The following SPAG16 variants were observed in gnomAD, a reference collection of about 807,000 sequenced individuals.
The protein encoded by SPAG16 is sperm associated antigen 16.
In SPAG16, 86 loss-of-function variants were observed where a neutral mutation model predicts 80.4. That is an observed-to-expected ratio of 1.07 (90% CI 0.90 to 1.28). SPAG16 has a LOEUF of 1.28. SPAG16 is among the 50% of genes most tolerant of loss of function. The pLI, the probability that SPAG16 is intolerant of heterozygous loss-of-function variation, is 0.00. For synonymous variants in SPAG16, 294 were observed against 265.9 expected, an observed-to-expected ratio of 1.11 and a Z score of -1.03; for missense variants, 870 against 765.3, an observed-to-expected ratio of 1.14 and a Z score of -1.61.
chr2:213,792,905 T>G (rs556490931), intron 10 of SPAG16, among the ~76,000 whole-genome samples: 1 of 151,946 alleles, frequency 6.6e-6, no homozygotes, highest in South Asian at 2.1e-4. Flanking sequence ...CTCTAAGATC[T>G]TTAAGTAATT....
chr2:213,379,206 T>G (rs2067042071), intron 9 of SPAG16, among the ~76,000 whole-genome samples: 1 of 152,022 alleles, frequency 6.6e-6, no homozygotes, highest in African/African-American at 2.4e-5. Context: ...TGATGGTGAG[T>G]GGTGCCACTT....
intron 8 of SPAG16, among the ~76,000 whole-genome samples, chr2:213,372,634 A>G (rs2066698159): frequency 6.6e-6 from 1 of 152,074 alleles, no homozygotes; most frequent in East Asian, 1.9e-4. Flanking sequence ...CTTTTTCTGA[A>G]TTCTAATTAC....
At chr2:213,660,141 A>T (rs1201609823) in intron 10 of SPAG16, among the ~76,000 whole-genome samples, 1 of 152,252 alleles carries the variant, frequency 6.6e-6, no homozygotes, top group East Asian at 1.9e-4. Context: ...CAGCAAAGAA[A>T]TATGGCAAAA....
At chr2:213,755,300 G>C (rs1179562070) in intron 10 of SPAG16, among the ~76,000 whole-genome samples, 2 of 152,024 alleles carry the variant, frequency 1.3e-5, no homozygotes, top group African/African-American at 4.8e-5. Context: ...TTTGTCTCTG[G>C]TTATTCAAGT....
intron 15 of SPAG16, among the ~76,000 whole-genome samples, chr2:214,401,001 T>G (rs966583497): frequency 6.6e-6 from 1 of 151,994 alleles, no homozygotes; most frequent in African/African-American, 2.4e-5. Context: ...GCTGGAAAAG[T>G]TTTTAAATTG....
rs34823564 is a variant in SPAG16, at chr2:214,041,420, T to C, written c.1527+27343T>C. Reference sequence around the variant, plus strand: ...AAAGACTCTTTGCACTTCTACATTTTAATGGTCTAGGTTGGTGATTTGTAG... The same window carrying C: ...AAAGACTCTTTGCACTTCTACATTTCAATGGTCTAGGTTGGTGATTTGTAG... On this transcript the variant is annotated intron_variant, in intron 13 of 15. Transcript: ENST00000331683. Among the ~76,000 whole-genome samples the C allele has an allele frequency of 3.3e-3, 499 of 151,116 alleles. 1 individual carries two copies. Among genetic ancestry groups the C allele is most frequent in the Non-Finnish European group, 5.5e-3 (372 of 67,832 alleles).
chr2:214,280,746 T>C, intron 15 of SPAG16: 1 of 420,220 alleles, frequency 2.4e-6, no homozygotes, highest in Non-Finnish European at 4.5e-6. Flanking sequence ...TCTTTTAACT[T>C]ATTTCCTGGG....
chr2:214,259,074 AT>A (rs972948725), intron 15 of SPAG16, among the ~76,000 whole-genome samples: 5 of 151,456 alleles, frequency 3.3e-5, no homozygotes, highest in South Asian at 4.2e-4. Flanking sequence ...TATGGGTCAC[AT>A]TTTTTTTCTT....
At chr2:213,649,334 T>G (rs13427653) in intron 10 of SPAG16, among the ~76,000 whole-genome samples, 3,645 of 152,288 alleles carry the variant, frequency 0.024, 147 homozygotes, top group African/African-American at 0.082. Context: ...GAAAGATAGG[T>G]CTGTGTTTCT....
intron 9 of SPAG16, among the ~76,000 whole-genome samples, chr2:213,459,510 A>G (rs1166972354): frequency 6.6e-6 from 1 of 152,160 alleles, no homozygotes; most frequent in African/African-American, 2.4e-5. Flanking sequence ...GGTCAAGTCT[A>G]TTTCTAGGAA....
intron 10 of SPAG16, among the ~76,000 whole-genome samples, chr2:213,718,149 CAAAA>C (rs71063769): frequency 4.3e-5 from 4 of 92,246 alleles, no homozygotes; most frequent in African/African-American, 1.4e-4. Flanking sequence ...AACAAGTTTA[CAAAA>C]AAAAAAAAAA....
intron 10 of SPAG16, among the ~76,000 whole-genome samples, chr2:213,820,077 G>T (rs1189306505): frequency 3.3e-5 from 5 of 150,462 alleles, no homozygotes; most frequent in Admixed American, 6.7e-5. Context: ...CGTTGTTTTT[G>T]CTTTTATTTA....
chr2:214,107,700 A>G (rs887579991), intron 13 of SPAG16, among the ~76,000 whole-genome samples: 2 of 152,180 alleles, frequency 1.3e-5, no homozygotes, highest in Non-Finnish European at 1.5e-5. Flanking sequence ...ATGCCACTGT[A>G]TATATTTTAT....
chr2:214,371,946 G>T (rs1430782181), intron 15 of SPAG16, among the ~76,000 whole-genome samples: 1 of 151,968 alleles, frequency 6.6e-6, no homozygotes, highest in Non-Finnish European at 1.5e-5. Context: ...CTTTCAAAGT[G>T]CTGGGATTAC....
At chr2:213,538,955 CA>C (rs2076340219) in intron 10 of SPAG16, among the ~76,000 whole-genome samples, 1 of 151,996 alleles carries the variant, frequency 6.6e-6, no homozygotes, top group Admixed American at 6.6e-5. Flanking sequence ...AACACTTTGC[CA>C]GTAGAAATGT....
intron 9 of SPAG16, among the ~76,000 whole-genome samples, chr2:213,389,272 A>G (rs1262886363): frequency 2.6e-5 from 4 of 152,154 alleles, no homozygotes; most frequent in African/African-American, 9.6e-5. Context: ...ACTCAAAATA[A>G]TCAAAGACCT....
intron 10 of SPAG16, among the ~76,000 whole-genome samples, chr2:213,688,817 A>G (rs2064807538): frequency 6.6e-6 from 1 of 151,994 alleles, no homozygotes; most frequent in Non-Finnish European, 1.5e-5. Flanking sequence ...ATCTGCTTCC[A>G]TCTAGTAAAT....
chr2:214,059,220 G>A (rs367999718), intron 13 of SPAG16, among the ~76,000 whole-genome samples: 861 of 73,338 alleles, frequency 0.012, 10 homozygotes, highest in African/African-American at 0.04. Context: ...ATATATGTAT[G>A]TGTATATATA....
intron 11 of SPAG16, among the ~76,000 whole-genome samples, chr2:213,906,322 A>AT (rs1050926920): frequency 2.0e-5 from 3 of 152,188 alleles, no homozygotes; most frequent in Admixed American, 2.0e-4. Context: ...GAGGTAAAAA[A>AT]TTTTTACAAT....
Sources: gnomAD v4.1 joint callset for allele counts (sites outside exome capture counted in the v4.1 genomes callset) on GRCh38, gnomAD v4.1.1 for gene constraint, MANE v1.5 for transcripts, NCBI Gene and HGNC (gene_info 2026-07-23, HGNC 2026-07-21) for gene names.